The following NLRP11 variants were observed in gnomAD, a reference collection of about 807,000 sequenced individuals.
NLRP11 encodes the protein NLR family pyrin domain containing 11.
A neutral mutation model predicts 79.3 loss-of-function variants in NLRP11; 53 were observed. The observed-to-expected ratio is 0.67, with a 90% CI of 0.54 to 0.84. The LOEUF (loss-of-function observed/expected upper bound fraction) is 0.84. NLRP11 is among the 40% of genes least tolerant of loss of function. NLRP11 has a pLI of 0.00. For synonymous variants in NLRP11, 518 were observed against 462.6 expected (o/e 1.12, Z -1.54); for missense variants, 1,264 against 1,255.0 (o/e 1.01, Z -0.11).
exon 3 of NLRP11, chr19:55,808,790 G>A (rs748601780): frequency 1.2e-6 from 2 of 1,609,686 alleles, no homozygotes; most frequent in Non-Finnish European, 1.7e-6. Context: ...CCTTATAAGT[G>A]GCTCTTTGTT....
intron 2 of NLRP11, among the ~76,000 whole-genome samples, chr19:55,810,689 G>C (rs945570817): frequency 1.4e-4 from 21 of 152,166 alleles, no homozygotes; most frequent in Admixed American, 2.0e-4. Context: ...GTAGAGACAG[G>C]GTTTTGCCAT....
upstream of NLRP11, among the ~76,000 whole-genome samples, chr19:55,833,630 T>C (rs1286344098): frequency 2.0e-5 from 3 of 151,202 alleles, no homozygotes; most frequent in South Asian, 2.1e-4. Context: ...TAGCCAGGTG[T>C]GGTGGCGGGC....
chr19:55,799,718 G>GGCTGGGT (rs745899821), intron 5 of NLRP11, among the ~76,000 whole-genome samples: 25 of 151,976 alleles, frequency 1.6e-4, no homozygotes, highest in Non-Finnish European at 3.2e-4. Context: ...GAAAGTGAGG[G>GGCTGGGT]GCTGGGTGCA....
chr19:55,833,472 G>C (rs1454708476), upstream of NLRP11, among the ~76,000 whole-genome samples: 2 of 152,066 alleles, frequency 1.3e-5, no homozygotes, highest in Non-Finnish European at 2.9e-5. Flanking sequence ...TGGTAATTAA[G>C]ACTTATTGGT....
chr19:55,807,085 TTC>T (rs757635746), intron 4 of NLRP11, among the ~76,000 whole-genome samples: 24 of 152,194 alleles, frequency 1.6e-4, no homozygotes, highest in Non-Finnish European at 3.4e-4. Context: ...TCTGCCTATA[TTC>T]TGTCTCATCA....
At chr19:55,818,076 C>T in exon 2 of NLRP11, 1 of 1,614,132 alleles carries the variant, frequency 6.2e-7, no homozygotes, top group South Asian at 1.1e-5. Context: ...AATCAAGAAT[C>T]TTGCGTGCCA....
chr19:55,822,943 C>A (rs1452365800), intron 1 of NLRP11, among the ~76,000 whole-genome samples: 2 of 152,184 alleles, frequency 1.3e-5, no homozygotes, highest in Non-Finnish European at 2.9e-5. Flanking sequence ...CCTCTATAGG[C>A]TCCACCTCTG....
intron 7 of NLRP11, among the ~76,000 whole-genome samples, chr19:55,790,607 T>G (rs577856560): frequency 6.6e-6 from 1 of 152,242 alleles, no homozygotes; most frequent in African/African-American, 2.4e-5. Context: ...TTCTTTGTTA[T>G]AGAATGTATA....
chr19:55,823,205 G>C (rs1232331547), intron 1 of NLRP11, among the ~76,000 whole-genome samples: 67 of 144,244 alleles, frequency 4.6e-4, no homozygotes, highest in African/African-American at 1.2e-3. Context: ...TGAGGGTCCT[G>C]TCTGTTAGAA....
At chr19:55,808,583 G>A (rs540396643) in intron 3 of NLRP11, among the ~76,000 whole-genome samples, 186 bp downstream of exon 3, 3 of 152,246 alleles carry the variant, frequency 2.0e-5, no homozygotes, top group African/African-American at 7.2e-5. Context: ...CAACAGTGCT[G>A]AGGTTTAACT....
chr19:55,803,166 G>A (rs935233674), intron 4 of NLRP11, among the ~76,000 whole-genome samples: 1 of 152,110 alleles, frequency 6.6e-6, no homozygotes, highest in Non-Finnish European at 1.5e-5. Context: ...GGCCAACATA[G>A]TGAAACCCTG....
intron 1 of NLRP11, 33 bp from the exon 2 acceptor site, chr19:55,818,269 C>A: frequency 2.0e-6 from 2 of 978,204 alleles, no homozygotes; most frequent in Non-Finnish European, 1.5e-6. Context: ...ACAATCAAAC[C>A]ACACAGTAAT....
At chr19:55,805,772 T>C (rs1254870064) in intron 4 of NLRP11, among the ~76,000 whole-genome samples, 1 of 152,124 alleles carries the variant, frequency 6.6e-6, no homozygotes, top group East Asian at 1.9e-4. Context: ...ACTCCCAACC[T>C]CAAGTGATCC....
At chr19:55,821,247 A>ACACC (rs1981695989) in intron 1 of NLRP11, among the ~76,000 whole-genome samples, 1 of 119,374 alleles carries the variant, frequency 8.4e-6, no homozygotes, top group Non-Finnish European at 1.8e-5. Context: ...ACACACACAC[A>ACACC]CACCCCAAGC....
rs1415271061 is a variant in NLRP11, at chr19:55,809,408, G to A, written c.1202C>T (p.Ala401Val). ...GGTGCTCAGAAACAGTCCTCCTGCA[G>A]CCAGCAAACACAGACGTTTTAGGAG... The change falls in exon 3 of 10, where the codon GCT becomes GTT. Residue 401 changes from alanine to valine, a missense_variant. Transcript: ENST00000589093. The surrounding 1 kb of genome is among the most constrained non-coding windows in gnomAD (Gnocchi z 4.5). 1 of 1,614,180 alleles carries A rather than the reference G, an allele frequency of 6.2e-7. No individual in the cohort carries two copies. The highest frequency in any genetic ancestry group is 1.7e-5 in the Admixed American group (1 of 60,022).
At chr19:55,797,858 A>G (rs73058151) in intron 5 of NLRP11, among the ~76,000 whole-genome samples, 10,888 of 152,254 alleles carry the variant, frequency 0.072, 429 homozygotes, top group Non-Finnish European at 0.094. Context: ...AATGAGTGGA[A>G]AGAGTCAGAA....
At chr19:55,793,922 T>C (rs890043809) in intron 6 of NLRP11, among the ~76,000 whole-genome samples, 8 of 152,332 alleles carry the variant, frequency 5.3e-5, no homozygotes, top group African/African-American at 1.7e-4. Flanking sequence ...TCAACTCATT[T>C]GCATACTATT....
At chr19:55,799,670 G>C (rs1979281512) in intron 5 of NLRP11, among the ~76,000 whole-genome samples, 2 of 152,130 alleles carry the variant, frequency 1.3e-5, no homozygotes, top group Non-Finnish European at 2.9e-5. Flanking sequence ...GGAAGGCAAT[G>C]ACTCTCAAGA....
At chr19:55,829,975 A>G (rs534692072) in intron 1 of NLRP11, among the ~76,000 whole-genome samples, 21 of 152,300 alleles carry the variant, frequency 1.4e-4, no homozygotes, top group African/African-American at 4.6e-4. Context: ...TCTGACTTTA[A>G]TTTTTTAAGT....
Sources: allele counts gnomAD v4.1 joint callset (sites outside exome capture counted in the v4.1 genomes callset), GRCh38; gene constraint gnomAD v4.1.1; non-coding constraint Gnocchi (gnomAD v3.1); transcripts MANE v1.5; gene names NCBI Gene and HGNC (gene_info 2026-07-23, HGNC 2026-07-21).